Variants in FYTTD1 observed in about 807,000 individuals in gnomAD.
FYTTD1 encodes the protein UAP56-interacting factor.
FYTTD1 carries 22 observed loss-of-function variants against 40.9 expected under a neutral mutation model. The observed-to-expected ratio is 0.54, with a 90% CI of 0.38 to 0.77. FYTTD1 has a LOEUF of 0.77. Ranked by LOEUF, FYTTD1 falls within the 30% of genes least tolerant of loss-of-function variation. FYTTD1 has a pLI of 0.00. For synonymous variants in FYTTD1, 140 were observed against 137.9 expected, an observed-to-expected ratio of 1.01 and a Z score of -0.10; for missense variants, 351 against 392.2, an observed-to-expected ratio of 0.90 and a Z score of 0.89.
intron 6 of FYTTD1, among the ~76,000 whole-genome samples, chr3:197,776,689 TTTGA>T (rs1443374462): frequency 3.9e-5 from 6 of 152,236 alleles, no homozygotes; most frequent in Admixed American, 3.9e-4. Flanking sequence ...TTTTGTACTA[TTTGA>T]TTTTTTTAAA....
chr3:197,752,154 G>A (rs1315056261), intron 1 of FYTTD1, among the ~76,000 whole-genome samples: 2 of 152,178 alleles, frequency 1.3e-5, no homozygotes, highest in African/African-American at 2.4e-5. Context: ...GTGAGCCGCC[G>A]CACCCGGCCA....
intron 1 of FYTTD1, chr3:197,750,689 G>A (rs889822077): frequency 2.0e-6 from 2 of 985,378 alleles, no homozygotes; most frequent in African/African-American, 1.7e-5. Context: ...TCGGCCGCCT[G>A]TGGGATGTGG....
intron 2 of FYTTD1, among the ~76,000 whole-genome samples, chr3:197,757,469 T>A (rs1173081520): frequency 1.3e-5 from 2 of 152,246 alleles, no homozygotes; most frequent in Non-Finnish European, 2.9e-5. Context: ...TGTTTACAGC[T>A]AATATCCCAT....
At chr3:197,750,820 C>T in intron 1 of FYTTD1, 2 of 985,430 alleles carry the variant, frequency 2.0e-6, no homozygotes, top group South Asian at 9.4e-5. Context: ...GCTGAGAAGC[C>T]AGGTAAAGCG....
intron 4 of FYTTD1, 22 bp downstream of exon 4, chr3:197,770,266 TG>T: frequency 4.3e-6 from 6 of 1,388,302 alleles, no homozygotes; most frequent in Non-Finnish European, 5.1e-6. Context: ...AAAATAATAA[TG>T]TGTTATTTTG....
intron 5 of FYTTD1, among the ~76,000 whole-genome samples, chr3:197,773,856 C>T: frequency 6.8e-6 from 1 of 146,400 alleles, no homozygotes; most frequent in Non-Finnish European, 1.5e-5. Flanking sequence ...ACGGGCCCCT[C>T]CGCTGCACTC....
intron 2 of FYTTD1, among the ~76,000 whole-genome samples, chr3:197,761,516 T>G (rs1286669658): frequency 6.6e-6 from 1 of 152,002 alleles, no homozygotes; most frequent in Non-Finnish European, 1.5e-5. Flanking sequence ...TGTTCTTCAG[T>G]GGTAGAATGT....
chr3:197,749,582 G>A (rs1458158278), upstream of FYTTD1: 4 of 1,278,042 alleles, frequency 3.1e-6, no homozygotes, highest in African/African-American at 1.5e-5. Flanking sequence ...AAGTATAGGG[G>A]ACCTGTCTGC....
At chr3:197,758,592 C>T (rs1434221106) in intron 2 of FYTTD1, among the ~76,000 whole-genome samples, 1 of 152,142 alleles carries the variant, frequency 6.6e-6, no homozygotes. Flanking sequence ...CATGAAGTGT[C>T]AGAAAAGCTT....
Position 197,756,475 on chromosome 3 carries a change from A to G in FYTTD1, c.153A>G (p.Pro51=), listed in dbSNP as rs1212410971. The stretch of plus-strand genomic sequence containing the variant: ...AGGAAGGGAAGAAGCAGAATTTTCC[A>G]AGACTAAATAGAAGACTCCTCCAGC... ...NRKEGKKQNF[P]RLNRRLLQQS... Residue 51 remains proline (P), a synonymous_variant, in exon 2 of 9, where the codon CCA becomes CCG. Coordinates refer to ENST00000241502, the MANE Select transcript of FYTTD1 (RefSeq NM_032288.7). 2 of 1,611,260 alleles carry G rather than the reference A, an allele frequency of 1.2e-6. No homozygotes were observed. The highest frequency in any genetic ancestry group is 1.7e-6 in the Non-Finnish European group (2 of 1,177,444).
rs780771845 is a variant in FYTTD1, at chr3:197,781,821, C to T, written c.869C>T (p.Thr290Met). The T allele has an allele frequency of 4.4e-6, 7 of 1,603,956 alleles. No individual in the cohort carries two copies. In the South Asian group the frequency reaches 4.5e-5, roughly 10 times the overall value. The change falls in exon 9 of 9, where the codon ACG becomes ATG. Residue 290 changes from threonine to methionine, a missense_variant. Physicochemically the swap from Thr to Met is moderately conservative, Grantham distance 81. Transcript: ENST00000241502. ...TTTTCTTTTCTCTAGACAGGGATGA[C>T]GTTGAATGAGCGGTTTGGGATCCTG... ...INSVGKQTGM[T>M]LNERFGILKE...
intron 2 of FYTTD1, among the ~76,000 whole-genome samples, chr3:197,762,946 C>A (rs1381932541): frequency 6.6e-6 from 1 of 152,016 alleles, no homozygotes; most frequent in Non-Finnish European, 1.5e-5. Flanking sequence ...GTACAGCAAA[C>A]CCCCGTGATA....
rs558838628 is a variant in FYTTD1, at chr3:197,770,606, C to T, written c.497+362C>T. On this transcript the variant is annotated intron_variant, in intron 4 of 8. Transcript: ENST00000241502. Reference sequence around the variant, plus strand: ...TGTTGCTGAGGCTGGAGTGCAGTGGCGCCATCACTGCTCCCTGGAGCCTTG... The same window carrying T: ...TGTTGCTGAGGCTGGAGTGCAGTGGTGCCATCACTGCTCCCTGGAGCCTTG... Among the ~76,000 whole-genome samples, 31 of 152,296 alleles carry T rather than the reference C, an allele frequency of 2.0e-4. No individual in the cohort carries two copies. The East Asian group carries it at 4.6e-3, about 23-fold the overall frequency.
chr3:197,773,709 C>T (rs918084108), intron 5 of FYTTD1, among the ~76,000 whole-genome samples: 7 of 152,196 alleles, frequency 4.6e-5, no homozygotes, highest in East Asian at 1.9e-4. Flanking sequence ...GAATTTAACT[C>T]GTTATTTGGG....
At chr3:197,775,122 A>G (rs1248386664) in intron 6 of FYTTD1, among the ~76,000 whole-genome samples, 2 of 152,192 alleles carry the variant, frequency 1.3e-5, no homozygotes, top group African/African-American at 4.8e-5. Flanking sequence ...ATACAAATGA[A>G]CCTATTTAGG....
intron 2 of FYTTD1, among the ~76,000 whole-genome samples, chr3:197,767,069 T>G (rs1048934839): frequency 1.3e-5 from 2 of 151,066 alleles, no homozygotes; most frequent in Non-Finnish European, 2.9e-5. Flanking sequence ...ATTTTTTAAT[T>G]TACCCCCTTT....
chr3:197,761,953 G>C (rs1017352475), intron 2 of FYTTD1, among the ~76,000 whole-genome samples: 2 of 152,172 alleles, frequency 1.3e-5, no homozygotes, highest in African/African-American at 4.8e-5. Flanking sequence ...AGCAAGGTCA[G>C]GTTCTGGTGA....
Position 197,774,904 on chromosome 3 carries a change from A to C in FYTTD1, c.656+694A>C, listed in dbSNP as rs551811742. On this transcript the variant is annotated intron_variant, in intron 6 of 8. Coordinates refer to ENST00000241502, the MANE Select transcript of FYTTD1 (RefSeq NM_032288.7). ...GGCTATGGAGACTGTCTCCAAAAAA[A>C]TTTTTAAACATTGAGGCTAAAATAA... Among the ~76,000 whole-genome samples, 4 of 152,386 alleles carry C rather than the reference A, an allele frequency of 2.6e-5. No individual in the cohort carries two copies. The East Asian group carries it at 7.7e-4, about 29-fold the overall frequency.
chr3:197,769,065 G>A (rs374638614), intron 3 of FYTTD1, among the ~76,000 whole-genome samples: 40 of 146,692 alleles, frequency 2.7e-4, no homozygotes, highest in Admixed American at 1.8e-3. Flanking sequence ...GTGCCTGGCC[G>A]AAAATGAAGA....
Sources: gnomAD v4.1 joint callset for allele counts (sites outside exome capture counted in the v4.1 genomes callset) on GRCh38, gnomAD v4.1.1 for gene constraint, MANE v1.5 for transcripts, NCBI Gene and HGNC (gene_info 2026-07-23, HGNC 2026-07-21) for gene names.